The following FSTL5 variants were observed in gnomAD, a reference collection of about 807,000 sequenced individuals.
The protein encoded by FSTL5 is follistatin like 5.
A neutral mutation model predicts 89.1 loss-of-function variants in FSTL5; 62 were observed. The observed-to-expected ratio is 0.70, with a 90% CI of 0.57 to 0.86. The LOEUF is 0.86. Among genes scored for constraint, FSTL5 ranks in the 40% least tolerant of loss-of-function variants. The pLI, the probability that FSTL5 is intolerant of heterozygous loss-of-function variation, is 0.00. For missense variants in FSTL5, 1,057 were observed against 1,001.6 expected (o/e 1.06, Z -0.75); for synonymous variants, 383 against 346.2 (o/e 1.11, Z -1.18).
intron 2 of FSTL5, among the ~76,000 whole-genome samples, chr4:162,067,813 C>T (rs1738968389): frequency 6.6e-6 from 1 of 151,986 alleles, no homozygotes; most frequent in South Asian, 2.1e-4. Flanking sequence ...ATTGTCTTAG[C>T]CCAAAAGCAT....
chr4:161,774,676 T>TG (rs1741337400), intron 5 of FSTL5, among the ~76,000 whole-genome samples: 1 of 137,186 alleles, frequency 7.3e-6, no homozygotes, highest in South Asian at 2.2e-4. Context: ...GCATAAAAAG[T>TG]GAAAAAAAAA....
Position 161,941,960 on chromosome 4 carries a change from G to C in FSTL5, c.161-21308C>G, listed in dbSNP as rs896620573. ...TAGTTCAAGGTATCTTAGCAACAAT[G>C]AAATAAAATAGAAATAAATAAGAGA... On this transcript the variant is annotated intron_variant, in intron 3 of 15. Transcript: ENST00000306100. 7.2e-5 allele frequency among the ~76,000 whole-genome samples: 11 copies of C among 151,934 alleles called. No individual in the cohort carries two copies. In the East Asian group the frequency reaches 7.7e-4, roughly 11 times the overall value.
At chr4:161,678,832 A>T (rs1201476070) in intron 6 of FSTL5, among the ~76,000 whole-genome samples, 1 of 151,800 alleles carries the variant, frequency 6.6e-6, no homozygotes, top group Non-Finnish European at 1.5e-5. Context: ...TTGATACCTG[A>T]GAGTGAAGTA....
chr4:161,635,040 A>G lies in FSTL5; in HGVS notation c.894+21288T>C, dbSNP rs575778968. 5.9e-5 allele frequency among the ~76,000 whole-genome samples: 6 copies of G among 100,884 alleles called. No homozygotes were observed. The East Asian group carries it at 1.7e-3, about 29-fold the overall frequency. The allele number at this position is 100,884 out of a possible 152,430, so 66.2% of individuals were successfully genotyped here. A position where few individuals can be genotyped will look rare whatever the true frequency, so the allele number is the denominator to read the frequency against. The stretch of plus-strand genomic sequence containing the variant: ...TGTCAATTATACCTCAATAAAGCTG[A>G]AAAAAAATCTTGTAATTGAAACTAT... On this transcript the variant is annotated intron_variant, in intron 7 of 15. Coordinates refer to ENST00000306100, the MANE Select transcript of FSTL5 (RefSeq NM_020116.5).
chr4:162,124,894 G>T (rs540822938), intron 1 of FSTL5, among the ~76,000 whole-genome samples: 6 of 152,122 alleles, frequency 3.9e-5, no homozygotes, highest in African/African-American at 1.4e-4. Flanking sequence ...CAGTAGAGAC[G>T]GGTTTTCACC....
At chr4:162,106,342 CTT>C (rs1190817466) in intron 2 of FSTL5, among the ~76,000 whole-genome samples, 1 of 152,116 alleles carries the variant, frequency 6.6e-6, no homozygotes, top group Non-Finnish European at 1.5e-5. Context: ...AAAGAATACT[CTT>C]GTCTGTCCTC....
At chr4:161,907,717 G>A (rs954448441) in intron 4 of FSTL5, among the ~76,000 whole-genome samples, 8 of 152,056 alleles carry the variant, frequency 5.3e-5, no homozygotes, top group South Asian at 2.1e-4. Flanking sequence ...TAAGGTTGAC[G>A]ATGAGGACTT....
chr4:162,153,746 A>C (rs1381556277), intron 1 of FSTL5, among the ~76,000 whole-genome samples: 2 of 98,458 alleles, frequency 2.0e-5, no homozygotes, highest in Non-Finnish European at 4.1e-5. Flanking sequence ...GTATATAATA[A>C]TATACATGTA....
At chr4:162,109,513 A>G (rs571801641) in intron 2 of FSTL5, among the ~76,000 whole-genome samples, 1 of 152,254 alleles carries the variant, frequency 6.6e-6, no homozygotes. Flanking sequence ...ATAAAATATT[A>G]GAAGGTGACT....
intron 7 of FSTL5, among the ~76,000 whole-genome samples, chr4:161,597,210 A>G (rs1399231743): frequency 2.6e-5 from 4 of 152,114 alleles, no homozygotes; most frequent in Non-Finnish European, 5.9e-5. Flanking sequence ...TCTTTGTATA[A>G]GGTGTAATGA....
chr4:161,534,011 C>T (rs1034423040), intron 10 of FSTL5, among the ~76,000 whole-genome samples: 5 of 152,000 alleles, frequency 3.3e-5, no homozygotes, highest in African/African-American at 1.2e-4. Context: ...GCAGGAAAAG[C>T]CTTTGATAAA....
chr4:161,565,549 G>A (rs748020733), intron 8 of FSTL5, among the ~76,000 whole-genome samples: 1 of 151,560 alleles, frequency 6.6e-6, no homozygotes, highest in African/African-American at 2.4e-5. Context: ...ATGAAATCTT[G>A]GTACCTTTTC....
intron 11 of FSTL5, among the ~76,000 whole-genome samples, chr4:161,503,678 A>T (rs1730378509): frequency 6.6e-6 from 1 of 151,988 alleles, no homozygotes; most frequent in Non-Finnish European, 1.5e-5. Context: ...ATACTTACTC[A>T]AAAGGACTGG....
intron 2 of FSTL5, among the ~76,000 whole-genome samples, chr4:162,081,450 T>A (rs1730094002): frequency 6.6e-6 from 1 of 151,612 alleles, no homozygotes; most frequent in Admixed American, 6.6e-5. Flanking sequence ...ATTCTGTTAG[T>A]GAGCAAAGCC....
At chr4:161,955,887 T>G (rs558856445) in intron 3 of FSTL5, among the ~76,000 whole-genome samples, 308 of 150,670 alleles carry the variant, frequency 2.0e-3, no homozygotes, top group African/African-American at 4.7e-3. Flanking sequence ...AGAGAGGTGG[T>G]TTTTTTTTGT....
intron 10 of FSTL5, among the ~76,000 whole-genome samples, chr4:161,511,370 A>G (rs78743226): frequency 0.16 from 24,557 of 152,116 alleles, 2,296 homozygotes; most frequent in African/African-American, 0.25. Flanking sequence ...ATATTTCTTT[A>G]AAAAATTAAT....
At chr4:161,741,085 C>A (rs1560819379) in intron 6 of FSTL5, among the ~76,000 whole-genome samples, 1 of 152,152 alleles carries the variant, frequency 6.6e-6, no homozygotes, top group African/African-American at 2.4e-5. Flanking sequence ...CACTGATAAT[C>A]AAGTTTCAAC....
intron 3 of FSTL5, among the ~76,000 whole-genome samples, chr4:161,930,882 G>A (rs569741665): frequency 4.0e-5 from 6 of 151,752 alleles, no homozygotes; most frequent in Admixed American, 2.6e-4. Context: ...TTCCTTTCCC[G>A]GAGCAAAAGA....
chr4:161,958,330 G>C (rs532509197), intron 3 of FSTL5, among the ~76,000 whole-genome samples: 1 of 152,062 alleles, frequency 6.6e-6, no homozygotes, highest in Admixed American at 6.6e-5. Context: ...TGTAACTACT[G>C]ATATTTCTTT....
Sources: gnomAD v4.1 joint callset for allele counts (sites outside exome capture counted in the v4.1 genomes callset) on GRCh38, gnomAD v4.1.1 for gene constraint, MANE v1.5 for transcripts, NCBI Gene and HGNC (gene_info 2026-07-23, HGNC 2026-07-21) for gene names.